The following PAIP2B variants were observed in gnomAD, a reference collection of about 807,000 sequenced individuals.
PAIP2B encodes the protein polyadenylate-binding protein-interacting protein 2B.
A neutral mutation model predicts 17.0 loss-of-function variants in PAIP2B; 13 were observed. The ratio of observed to expected loss-of-function variants is 0.76; its 90% CI spans 0.50 to 1.22. The LOEUF (loss-of-function observed/expected upper bound fraction) is 1.22, where lower values mean the gene tolerates loss of function less well. Ranked by LOEUF, PAIP2B falls within the 50% of genes most tolerant of loss-of-function variation. The pLI is 0.00. For missense variants in PAIP2B, 117 were observed against 144.5 expected (o/e 0.81, Z 0.98); for synonymous variants, 43 against 48.7 (o/e 0.88, Z 0.48).
intron 2 of PAIP2B, among the ~76,000 whole-genome samples, chr2:71,194,177 C>T (rs926647562): frequency 2.0e-5 from 3 of 152,154 alleles, no homozygotes; most frequent in African/African-American, 7.2e-5. Context: ...GTTCTTTTTA[C>T]TTATGATTGC....
chr2:71,202,309 A>T (rs1418814874), intron 2 of PAIP2B, 143 bp downstream of exon 2: 11 of 1,006,056 alleles, frequency 1.1e-5, no homozygotes, highest in Non-Finnish European at 1.4e-5. Context: ...TGGTCATTCC[A>T]GATGAGGCCC....
At position 71,187,767 on chromosome 2, in the gene PAIP2B, G is replaced by GGTGAACACAGGCTT. The variant is rs1277700551; in HGVS notation, c.*698_*711dup. On this transcript the variant is annotated 3_prime_UTR_variant, in exon 4 of 4. Coordinates refer to ENST00000244221, the MANE Select transcript of PAIP2B (RefSeq NM_020459.1). Reference sequence around the variant, plus strand: ...TATAAATGGTGAGTCTGATGGTGGTGGTGAACACAGGCTTATGAACAGGAC... The same window carrying GGTGAACACAGGCTT: ...TATAAATGGTGAGTCTGATGGTGGTGGTGAACACAGGCTTGTGAACACAGGCTTATGAACAGGAC... The GGTGAACACAGGCTT allele has an allele frequency of 3.9e-5, 6 of 152,186 alleles. No homozygotes were observed. Among genetic ancestry groups the GGTGAACACAGGCTT allele is most frequent in the Non-Finnish European group, 7.3e-5 (5 of 68,062 alleles). The allele number at this position is 152,186 out of a possible 1,614,324, so 9.4% of individuals were successfully genotyped here.
At chr2:71,222,034 C>T (rs1675595816) in intron 1 of PAIP2B, among the ~76,000 whole-genome samples, 3 of 152,168 alleles carry the variant, frequency 2.0e-5, no homozygotes, top group Admixed American at 2.0e-4. Context: ...GGGTCCCCTT[C>T]CAGGCTGTGG....
chr2:71,192,527 T>C (rs149186872), intron 2 of PAIP2B, among the ~76,000 whole-genome samples: 1 of 152,258 alleles, frequency 6.6e-6, no homozygotes, highest in African/African-American at 2.4e-5. Context: ...GTTGTACATA[T>C]TATCATATCA....
At chr2:71,214,888 A>C (rs1370887467) in intron 1 of PAIP2B, among the ~76,000 whole-genome samples, 1 of 152,194 alleles carries the variant, frequency 6.6e-6, no homozygotes, top group African/African-American at 2.4e-5. Context: ...ATTAGATCAG[A>C]GACACTCAGT....
chr2:71,214,716 T>TAA (rs1675384766), intron 1 of PAIP2B, among the ~76,000 whole-genome samples: 1 of 152,140 alleles, frequency 6.6e-6, no homozygotes, highest in East Asian at 1.9e-4. Context: ...ATGTATCGGG[T>TAA]GACTAAGGAT....
At chr2:71,196,474 T>C (rs1458577685) in intron 2 of PAIP2B, among the ~76,000 whole-genome samples, 1 of 152,174 alleles carries the variant, frequency 6.6e-6, no homozygotes, top group Non-Finnish European at 1.5e-5. Flanking sequence ...ATGAGATTAA[T>C]GTACACTCTG....
At chr2:71,223,502 G>A (rs929591942) in intron 1 of PAIP2B, among the ~76,000 whole-genome samples, 18 of 150,282 alleles carry the variant, frequency 1.2e-4, no homozygotes, top group African/African-American at 3.2e-4. Context: ...GCAGTGGCAC[G>A]ATTCGGCTCA....
At chr2:71,224,318 G>A (rs975137059) in intron 1 of PAIP2B, among the ~76,000 whole-genome samples, 11 of 152,174 alleles carry the variant, frequency 7.2e-5, no homozygotes, top group Admixed American at 2.0e-4. Context: ...AATTAATTTT[G>A]TAATCTGTGT....
chr2:71,205,275 G>A (rs1483863977), intron 1 of PAIP2B, among the ~76,000 whole-genome samples: 1 of 152,180 alleles, frequency 6.6e-6, no homozygotes, highest in Admixed American at 6.5e-5. Context: ...ATACAGTGTT[G>A]ATTTGTATTT....
chr2:71,193,795 A>G (rs1195582662), intron 2 of PAIP2B, among the ~76,000 whole-genome samples: 1 of 152,080 alleles, frequency 6.6e-6, no homozygotes, highest in African/African-American at 2.4e-5. Context: ...CGGAGCTTGC[A>G]GTGAGTACTC....
intron 1 of PAIP2B, among the ~76,000 whole-genome samples, chr2:71,211,207 C>A (rs1446391857): frequency 6.6e-6 from 1 of 151,146 alleles, no homozygotes; most frequent in East Asian, 1.9e-4. Flanking sequence ...TGCAGTGAGC[C>A]GAGATTGCAC....
intron 1 of PAIP2B, among the ~76,000 whole-genome samples, chr2:71,223,266 CGTTGGGT>C (rs1675636498): frequency 6.6e-6 from 1 of 151,840 alleles, no homozygotes; most frequent in Non-Finnish European, 1.5e-5. Flanking sequence ...TACAAAAATT[CGTTGGGT>C]GTGGTGGTGT....
intron 2 of PAIP2B, among the ~76,000 whole-genome samples, chr2:71,192,257 A>G (rs1304043406): frequency 3.8e-5 from 5 of 130,850 alleles, no homozygotes; most frequent in African/African-American, 1.3e-4. Context: ...CTTCATAGAT[A>G]CTGCATTTTT....
chr2:71,206,911 T>C (rs1675146261), intron 1 of PAIP2B, among the ~76,000 whole-genome samples: 1 of 152,266 alleles, frequency 6.6e-6, no homozygotes, highest in South Asian at 2.1e-4. Context: ...ATATGGTGGA[T>C]GACAGCTTTA....
chr2:71,193,070 C>T (rs1674727552), intron 2 of PAIP2B, among the ~76,000 whole-genome samples: 1 of 152,208 alleles, frequency 6.6e-6, no homozygotes, highest in African/African-American at 2.4e-5. Context: ...TAAGCCTTCC[C>T]TTTTCTCCAC....
At chr2:71,216,805 G>A (rs1341252236) in intron 1 of PAIP2B, among the ~76,000 whole-genome samples, 1 of 152,164 alleles carries the variant, frequency 6.6e-6, no homozygotes, top group Admixed American at 6.5e-5. Context: ...GATACTGTAT[G>A]TTCTATCTTG....
In PAIP2B at chr2:71,191,088, C is replaced by T. The variant is rs113254195; in HGVS notation, c.139-1067G>A. 2.9e-3 allele frequency among the ~76,000 whole-genome samples: 449 copies of T among 152,304 alleles called. 5 individuals are homozygous for T. The highest frequency in any genetic ancestry group is 9.9e-3 in the African/African-American group (413 of 41,566). ...TGGTTCACTCTGCAGATTTCAGTGT[C>T]TTTGATAGGCCTCTTGCTTCATGTT... On this transcript the variant is annotated intron_variant, in intron 2 of 3. Transcript: ENST00000244221.
intron 2 of PAIP2B, among the ~76,000 whole-genome samples, chr2:71,192,291 G>T (rs1258310291): frequency 1.3e-5 from 2 of 148,450 alleles, no homozygotes. Flanking sequence ...CAAATTGAAG[G>T]TTTGTGGCAA....
Sources: gnomAD v4.1 joint callset for allele counts (sites outside exome capture counted in the v4.1 genomes callset) on GRCh38, gnomAD v4.1.1 for gene constraint, MANE v1.5 for transcripts, NCBI Gene and HGNC (gene_info 2026-07-23, HGNC 2026-07-21) for gene names.